Variants in NGEF observed in about 807,000 individuals in gnomAD.
NGEF encodes the protein ephexin-1.
A neutral mutation model predicts 80.9 loss-of-function variants in NGEF; 31 were observed. That is an observed-to-expected ratio of 0.38 (90% CI 0.29 to 0.52). The LOEUF (loss-of-function observed/expected upper bound fraction) is 0.52, where lower values mean the gene tolerates loss of function less well. Among genes scored for constraint, NGEF ranks in the 20% least tolerant of loss-of-function variants. The pLI, the probability that NGEF is intolerant of heterozygous loss-of-function variation, is 0.84. For synonymous variants in NGEF, 371 were observed against 370.2 expected (o/e 1.00, Z -0.03); for missense variants, 709 against 926.2 (o/e 0.77, Z 3.04).
Position 232,888,027 on chromosome 2 carries a change from A to T in NGEF, c.1347+6T>A. ...GGGATACAGCACAAGAGGAGGTGAG[A>T]CTCACCATTTCCAGCTCCTTGTGAG... On this transcript the variant is annotated splice_donor_region_variant and intron_variant, in intron 9 of 14. Transcript: ENST00000264051. The T allele has an allele frequency of 6.2e-7, 1 of 1,611,344 alleles. No homozygotes were observed. The highest frequency in any genetic ancestry group is 8.5e-7 in the Non-Finnish European group (1 of 1,177,612).
intron 12 of NGEF, among the ~76,000 whole-genome samples, chr2:232,882,678 T>G (rs1477436988): frequency 6.6e-6 from 1 of 152,160 alleles, no homozygotes; most frequent in Non-Finnish European, 1.5e-5. Flanking sequence ...GGGGAGGATA[T>G]CTGGTGAGTT....
chr2:232,952,970 CAAAAAAAAAAAAAAA>C (rs57198276), intron 3 of NGEF, among the ~76,000 whole-genome samples: 84 of 73,064 alleles, frequency 1.1e-3, no homozygotes, highest in South Asian at 2.5e-3. Context: ...AGACAGCCCT[CAAAAAAAAAAAAAAA>C]AAAAAAAAAA....
Position 232,901,879 on chromosome 2 carries a change from T to TA in NGEF, c.829-6964dup, listed in dbSNP as rs562088075. 4.7e-4 allele frequency among the ~76,000 whole-genome samples: 72 copies of TA among 152,354 alleles called. No individual in the cohort carries two copies. The East Asian group carries it at 0.013, about 28-fold the overall frequency. ...CGCCGTGACACCTCAGCACAGGCCC[T>TA]ACCATCCAGGCTCCGTGTCTCCAGT... On this transcript the variant is annotated intron_variant, in intron 5 of 14. Coordinates refer to ENST00000264051, the MANE Select transcript of NGEF (RefSeq NM_019850.3).
chr2:232,985,668 G>C lies in NGEF; in HGVS notation c.-74-10704C>G, dbSNP rs182730229. Among the ~76,000 whole-genome samples the C allele has an allele frequency of 4.7e-4, 72 of 152,280 alleles. No individual in the cohort carries two copies. In the East Asian group the frequency reaches 0.01, roughly 22 times the overall value. On this transcript the variant is annotated intron_variant, in intron 1 of 14. Coordinates refer to ENST00000264051, the MANE Select transcript of NGEF (RefSeq NM_019850.3). The stretch of plus-strand genomic sequence containing the variant: ...CTCGAGAGGCTAAGGCCGGAGAATG[G>C]CGTGAACCCAGGAGGTGGAGCTTGC...
chr2:232,944,164 G>A (rs1156689800), intron 3 of NGEF, among the ~76,000 whole-genome samples: 4 of 151,982 alleles, frequency 2.6e-5, no homozygotes, highest in African/African-American at 4.8e-5. Flanking sequence ...AACCCAGGAG[G>A]CAGAGGTTGC....
At chr2:232,890,738 G>A (rs1691855665) in intron 8 of NGEF, among the ~76,000 whole-genome samples, 3 of 152,044 alleles carry the variant, frequency 2.0e-5, no homozygotes, top group African/African-American at 7.2e-5. Flanking sequence ...ACAGGCCAGT[G>A]TAACCCCTTC....
chr2:232,927,013 A>G, intron 4 of NGEF, 31 bp downstream of exon 4: 3 of 1,613,902 alleles, frequency 1.9e-6, no homozygotes, highest in Non-Finnish European at 2.5e-6. Context: ...GCGTTTCCCA[A>G]ATAAAACCCG....
chr2:232,946,976 A>C (rs1416463570), intron 3 of NGEF, among the ~76,000 whole-genome samples: 1 of 152,220 alleles, frequency 6.6e-6, no homozygotes, highest in African/African-American at 2.4e-5. Context: ...AACTAATGTA[A>C]GTATGAGGAG....
chr2:232,878,742 G>C lies in NGEF; in HGVS notation c.*747C>G, dbSNP rs1691377712. 6.6e-6 allele frequency: 1 copy of C among 152,628 alleles called. No individual in the cohort carries two copies. The highest frequency in any genetic ancestry group is 6.5e-5 in the Admixed American group (1 of 15,288). The allele number at this position is 152,628 out of a possible 1,614,324, so 9.5% of individuals were successfully genotyped here. On this transcript the variant is annotated 3_prime_UTR_variant, in exon 15 of 15. Transcript: ENST00000264051. ...TGCTTCTTTTAATGCAGCCAAAAGT[G>C]ATATTTGCTTTTCTCAGAACCATAA...
chr2:232,944,707 A>G (rs1440119349), intron 3 of NGEF, among the ~76,000 whole-genome samples: 1 of 142,506 alleles, frequency 7.0e-6, no homozygotes, highest in Non-Finnish European at 1.5e-5. Context: ...GAGTTGGGCT[A>G]GGGGATAAGA....
At chr2:232,902,391 C>T (rs1276933954) in intron 5 of NGEF, among the ~76,000 whole-genome samples, 1 of 152,162 alleles carries the variant, frequency 6.6e-6, no homozygotes, top group Non-Finnish European at 1.5e-5. Flanking sequence ...CCGGACTGAG[C>T]AGGTCCCGTG....
chr2:232,937,384 A>T (rs745705075), intron 3 of NGEF, among the ~76,000 whole-genome samples: 10 of 152,046 alleles, frequency 6.6e-5, no homozygotes, highest in Non-Finnish European at 1.3e-4. Flanking sequence ...TTTTCCTCAC[A>T]CATGTCTGAC....
rs796745528 is a variant in NGEF, at chr2:233,003,737, A to C, written c.-75+9331T>G. Among the ~76,000 whole-genome samples, 9 of 152,234 alleles carry C rather than the reference A, an allele frequency of 5.9e-5. 1 individual carries two copies. The highest frequency in any genetic ancestry group is 1.9e-4 in the African/African-American group (8 of 41,524). Reference sequence around the variant, plus strand: ...GCAAAGGCCCAGCCCAGCAGGCCAGATGGTCACAATACAACATAAAAGTGC... The same window carrying C: ...GCAAAGGCCCAGCCCAGCAGGCCAGCTGGTCACAATACAACATAAAAGTGC... On this transcript the variant is annotated intron_variant, in intron 1 of 14. Coordinates refer to ENST00000264051, the MANE Select transcript of NGEF (RefSeq NM_019850.3).
At chr2:232,890,341 C>T (rs1330526795) in intron 8 of NGEF, among the ~76,000 whole-genome samples, 2 of 152,176 alleles carry the variant, frequency 1.3e-5, no homozygotes, top group African/African-American at 4.8e-5. Flanking sequence ...TCTCCCATGC[C>T]TCCAGCTCTG....
intron 5 of NGEF, among the ~76,000 whole-genome samples, chr2:232,902,807 A>G (rs1384700305): frequency 6.6e-6 from 1 of 152,190 alleles, no homozygotes. Context: ...TCGATGGCCA[A>G]CATGGTGAAA....
At chr2:232,890,476 A>G (rs1203845269) in intron 8 of NGEF, among the ~76,000 whole-genome samples, 2 of 152,106 alleles carry the variant, frequency 1.3e-5, no homozygotes, top group Non-Finnish European at 2.9e-5. Context: ...GATGCCAGCG[A>G]GTCCTGCCCA....
intron 1 of NGEF, among the ~76,000 whole-genome samples, chr2:233,005,320 C>T (rs1056995266): frequency 6.6e-6 from 1 of 152,188 alleles, no homozygotes; most frequent in Admixed American, 6.5e-5. Flanking sequence ...GGAGCAGTGC[C>T]CTTGGGGCTG....
Position 232,995,089 on chromosome 2 carries a change from ATGTATATG to A in NGEF, c.-75+17971_-75+17978del, listed in dbSNP as rs1470806335. On this transcript the variant is annotated intron_variant, in intron 1 of 14. Coordinates refer to ENST00000264051, the MANE Select transcript of NGEF (RefSeq NM_019850.3). ...TATGTATACTGTATATGTGTACAGTATGTATATGTGTACAGTATGTATATGTGTACAGT... is the reference window on the plus strand; with the variant it reads ...TATGTATACTGTATATGTGTACAGTATGTACAGTATGTATATGTGTACAGT... Among the ~76,000 whole-genome samples, 3 of 25,250 alleles carry A rather than the reference ATGTATATG, an allele frequency of 1.2e-4. 1 individual carries two copies. The highest frequency in any genetic ancestry group is 6.8e-4 in the African/African-American group (3 of 4,440). The allele number at this position is 25,250 out of a possible 152,430, so 16.6% of individuals were successfully genotyped here. A position where few individuals can be genotyped will look rare whatever the true frequency, so the allele number is the denominator to read the frequency against.
intron 3 of NGEF, among the ~76,000 whole-genome samples, chr2:232,965,162 AT>A (rs1415125261): frequency 6.6e-6 from 1 of 152,186 alleles, no homozygotes; most frequent in Non-Finnish European, 1.5e-5. Context: ...TCTCTCTTTA[AT>A]TGTTACCAGT....
Sources: gnomAD v4.1 joint callset for allele counts (sites outside exome capture counted in the v4.1 genomes callset) on GRCh38, gnomAD v4.1.1 for gene constraint, MANE v1.5 for transcripts, NCBI Gene and HGNC (gene_info 2026-07-23, HGNC 2026-07-21) for gene names.